Variants in CYB5R3 observed in about 807,000 individuals in gnomAD.
The protein encoded by CYB5R3 is cytochrome b5 reductase 3.
Under a neutral mutation model 36.5 loss-of-function variants are expected in CYB5R3, and 28 were observed. That is an observed-to-expected ratio of 0.77 (90% CI 0.57 to 1.05). The LOEUF (loss-of-function observed/expected upper bound fraction) is 1.05. CYB5R3 is among the 50% of genes least tolerant of loss of function. CYB5R3 has a pLI of 0.00. For missense variants in CYB5R3, 474 were observed against 408.9 expected, an observed-to-expected ratio of 1.16 and a Z score of -1.37; for synonymous variants, 181 against 159.8, an observed-to-expected ratio of 1.13 and a Z score of -1.00.
chr22:42,627,536 G>T, intron 6 of CYB5R3, 69 bp downstream of exon 6: 1 of 1,514,922 alleles, frequency 6.6e-7, no homozygotes, highest in Non-Finnish European at 9.2e-7. Context: ...CAGAACCTGC[G>T]CCTCACCCAC....
intron 2 of CYB5R3, among the ~76,000 whole-genome samples, chr22:42,635,562 A>G (rs1047437792): frequency 2.0e-5 from 3 of 152,068 alleles, no homozygotes; most frequent in Non-Finnish European, 4.4e-5. Flanking sequence ...TTCATTTTGT[A>G]TTTTTTTGCT....
intron 4 of CYB5R3, among the ~76,000 whole-genome samples, chr22:42,630,537 G>C (rs536513382): frequency 6.2e-4 from 94 of 152,360 alleles, no homozygotes; most frequent in Non-Finnish European, 1.2e-3. Context: ...CTCTGCTGCA[G>C]GTACCTGTCC....
intron 2 of CYB5R3, 55 bp from the exon 3 acceptor site, chr22:42,631,505 C>G: frequency 6.7e-7 from 1 of 1,495,044 alleles, no homozygotes; most frequent in Non-Finnish European, 9.1e-7. Context: ...CCTCCCAGGG[C>G]GGCTCCCAGG....
intron 2 of CYB5R3, among the ~76,000 whole-genome samples, chr22:42,633,651 C>G (rs1204621231): frequency 6.6e-6 from 1 of 152,184 alleles, no homozygotes; most frequent in Non-Finnish European, 1.5e-5. Flanking sequence ...GGCATGGTGT[C>G]GCATGCCTAT....
chr22:42,623,682 G>GT (rs1293261490), intron 8 of CYB5R3, 107 bp downstream of exon 8: 2 of 902,862 alleles, frequency 2.2e-6, no homozygotes. Flanking sequence ...CAGGGCCATA[G>GT]TGAGTGCCAG....
At position 42,631,842 on chromosome 22, in the gene CYB5R3, G is replaced by A. The variant is rs8190428; in HGVS notation, c.154-392C>T. ...TTGAGGGCTGGATGGGCAAACTGGG[G>A]CAGAGCTAGACAAGGCTGCACGTGC... On this transcript the variant is annotated intron_variant, in intron 2 of 8. Transcript: ENST00000352397. The A allele has an allele frequency of 4.7e-3, 1,380 of 293,970 alleles. 16 individuals are homozygous for A. The highest frequency in any genetic ancestry group is 0.028 in the African/African-American group (1,288 of 46,270). The allele number at this position is 293,970 out of a possible 1,614,324, so 18.2% of individuals were successfully genotyped here.
chr22:42,636,813 G>T lies in CYB5R3; in HGVS notation c.55C>A (p.Leu19Met). The T allele has an allele frequency of 6.2e-7, 1 of 1,613,958 alleles. No individual in the cohort carries two copies. The highest frequency in any genetic ancestry group is 1.1e-5 in the South Asian group (1 of 91,080). ...GHMVLFPVWF[L>M]YSLLMKLFQR... is the part of the protein sequence containing the mutation. ...AACAGCTTCATGAGCAGACTGTACA[G>T]GAACCAGACTGGGAAGAGCACCATA... Residue 19 changes from leucine (L) to methionine (M), a missense_variant, in exon 2 of 9, where the codon CTG (leucine) becomes ATG (methionine). Coordinates refer to ENST00000352397, the MANE Select transcript of CYB5R3 (RefSeq NM_000398.7).
At chr22:42,648,731 G>A (rs1056490430) in intron 1 of CYB5R3, among the ~76,000 whole-genome samples, 5 of 152,118 alleles carry the variant, frequency 3.3e-5, no homozygotes, top group African/African-American at 1.2e-4. Context: ...CGTGTCATCC[G>A]GGTTCTGTTC....
At chr22:42,625,707 T>C (rs137134) in intron 7 of CYB5R3, among the ~76,000 whole-genome samples, 3 of 151,104 alleles carry the variant, frequency 2.0e-5, no homozygotes, top group African/African-American at 4.9e-5. Flanking sequence ...CGGAGGAAGG[T>C]AGGAGAGGAA....
chr22:42,631,394 G>C lies in CYB5R3; in HGVS notation c.210C>G (p.Ile70Met), dbSNP rs1375526478. The C allele has an allele frequency of 6.4e-7, 1 of 1,551,616 alleles. No homozygotes were observed. The highest frequency in any genetic ancestry group is 2.4e-5 in the East Asian group (1 of 40,916). ...GTGACTCACCGACAGGGAGGCCCAG[G>C]ATGTGCTGGGGTGACGGCAGGGCAA... ...FRFALPSPQH[I>M]LGLPVGQHIY... Residue 70 changes from isoleucine to methionine, a missense_variant, in exon 3 of 9, where the codon ATC (isoleucine) becomes ATG (methionine). Ile to Met is a conservative substitution (Grantham distance 10, BLOSUM62 1). Coordinates refer to ENST00000352397, the MANE Select transcript of CYB5R3 (RefSeq NM_000398.7).
rs577941627 is a variant in CYB5R3 at position 42,635,847 on chromosome 22, G to A, written c.153+868C>T. ...GGGGCTCTGAAGAGGGCAAGTGACC[G>A]ATGGAAGCAGCCTTTACTGGGGGCA... On this transcript the variant is annotated intron_variant, in intron 2 of 8. Coordinates refer to ENST00000352397, the MANE Select transcript of CYB5R3 (RefSeq NM_000398.7). Among the ~76,000 whole-genome samples, 18 of 152,338 alleles carry A rather than the reference G, an allele frequency of 1.2e-4. 1 individual carries two copies. The highest frequency in any genetic ancestry group is 7.8e-4 in the Admixed American group (12 of 15,302).
chr22:42,644,273 G>T, intron 1 of CYB5R3: 1 of 645,546 alleles, frequency 1.5e-6, no homozygotes, highest in Non-Finnish European at 2.8e-6. Flanking sequence ...CTGAGCACCT[G>T]CCCCCAGCCC....
At chr22:42,644,570 G>A (rs1929449061) in intron 1 of CYB5R3, 2 of 1,526,054 alleles carry the variant, frequency 1.3e-6, no homozygotes, top group Admixed American at 2.0e-5. Context: ...AGCTAACCAG[G>A]CCCTTGGTAG....
intron 1 of CYB5R3, chr22:42,639,166 C>T (rs972524932): frequency 1.9e-5 from 6 of 323,260 alleles, no homozygotes; most frequent in Non-Finnish European, 3.0e-5. Flanking sequence ...CCCGTCTCTA[C>T]CAAAAATACA....
rs1378147816 is a variant in CYB5R3, at chr22:42,619,735, G to A, written c.*38C>T. The A allele has an allele frequency of 2.0e-6, 3 of 1,535,684 alleles. No individual in the cohort carries two copies. Among genetic ancestry groups the A allele is most frequent in the Non-Finnish European group, 2.6e-6 (3 of 1,142,978 alleles). ...TGGGTGAGCGTGAACAGGGCGTGGGGTGCGCGGGGCGGGTGGCCGTGTGAC... is the reference window on the plus strand; with the variant it reads ...TGGGTGAGCGTGAACAGGGCGTGGGATGCGCGGGGCGGGTGGCCGTGTGAC... On this transcript the variant is annotated 3_prime_UTR_variant, in exon 9 of 9. Transcript: ENST00000352397.
At position 42,630,971 on chromosome 22, in the gene CYB5R3, A is replaced by C. The variant is rs779384464; in HGVS notation, c.244T>G (p.Ser82Ala). ...ACCAGGTTTCCATCAATTCGAGCCG[A>C]GAGGTAGATGTGCTGGCCTGCAGGA... is the stretch of plus-strand genomic sequence containing the variant. ...GLPVGQHIYL[S>A]ARIDGNLVVR... The change falls in exon 4 of 9, where the codon TCG becomes GCG. Residue 82 changes from serine (S) to alanine (A), a missense_variant. Transcript: ENST00000352397. 6.2e-7 allele frequency: 1 copy of C among 1,613,950 alleles called. No individual in the cohort carries two copies. The highest frequency in any genetic ancestry group is 8.5e-7 in the Non-Finnish European group (1 of 1,179,954).
chr22:42,645,006 G>A (rs1929473417), intron 1 of CYB5R3, among the ~76,000 whole-genome samples: 1 of 152,226 alleles, frequency 6.6e-6, no homozygotes, highest in South Asian at 2.1e-4. Flanking sequence ...CCAGGGTGGA[G>A]CCTGGTTTCT....
In CYB5R3 at chr22:42,627,312, C is replaced by T; in HGVS notation, c.625G>A (p.Ala209Thr). The part of the protein sequence containing the change: ...DDHTVCHLLF[A>T]NQTEKDILLR... Reference sequence around the variant, plus strand: ...TGGGGATGCCCACTGACCTGGTTGGCAAAGAGCAGGTGGCACACAGTGTGG... The same window carrying T: ...TGGGGATGCCCACTGACCTGGTTGGTAAAGAGCAGGTGGCACACAGTGTGG... The change falls in exon 7 of 9, where the codon GCC becomes ACC. Residue 209 changes from alanine to threonine, a missense_variant. Ala to Thr is a moderately conservative substitution (Grantham distance 58, BLOSUM62 0). Coordinates refer to ENST00000352397, the MANE Select transcript of CYB5R3 (RefSeq NM_000398.7). 1 of 1,613,924 alleles carries T rather than the reference C, an allele frequency of 6.2e-7. No homozygotes were observed. Among genetic ancestry groups the T allele is most frequent in the Non-Finnish European group, 8.5e-7 (1 of 1,179,938 alleles).
intron 8 of CYB5R3, among the ~76,000 whole-genome samples, chr22:42,622,915 A>ATCT (rs1928057765): frequency 6.6e-6 from 1 of 152,180 alleles, no homozygotes; most frequent in Non-Finnish European, 1.5e-5. Context: ...AACACTTAGA[A>ATCT]ATTTCCCAGA....
Sources: gnomAD v4.1 joint callset for allele counts (sites outside exome capture counted in the v4.1 genomes callset) on GRCh38, gnomAD v4.1.1 for gene constraint, MANE v1.5 for transcripts, NCBI Gene and HGNC (gene_info 2026-07-23, HGNC 2026-07-21) for gene names.